TEX35: variants seen among roughly 807,000 people sequenced by gnomAD.
TEX35 encodes testis-expressed protein 35.
TEX35 carries 26 observed loss-of-function variants against 31.9 expected under a neutral mutation model. The observed-to-expected ratio is 0.81, with a 90% confidence interval of 0.60 to 1.13. The LOEUF (loss-of-function observed/expected upper bound fraction) is 1.13. Ranked by LOEUF, TEX35 falls within the 50% of genes most tolerant of loss-of-function variation. TEX35 has a pLI of 0.00. For synonymous variants in TEX35, 87 were observed against 90.7 expected (o/e 0.96, Z 0.23); for missense variants, 278 against 273.5 (o/e 1.02, Z -0.12).
downstream of TEX35, chr1:178,523,255 G>A (rs2101899644): frequency 1.4e-6 from 1 of 699,002 alleles, no homozygotes; most frequent in East Asian, 2.7e-5. Flanking sequence ...TGCAACAAAT[G>A]TGAGAGTGCA....
At chr1:178,515,058 T>C (rs1335438805) in intron 3 of TEX35, among the ~76,000 whole-genome samples, 8 of 152,236 alleles carry the variant, frequency 5.3e-5, no homozygotes, top group Admixed American at 1.3e-4. Flanking sequence ...GTCTTTTCTA[T>C]AATCTGGAAC....
Position 178,516,507 on chromosome 1 carries a change from G to A in TEX35, c.217-108G>A, listed in dbSNP as rs1650081846. On this transcript the variant is annotated intron_variant, in intron 4 of 8. Coordinates refer to ENST00000319416, the MANE Select transcript of TEX35 (RefSeq NM_032126.5). ...CTCTAACAGGCCATTATTAGTCCAT[G>A]CCAGAGAAGCAGCCACTGCCCTTTG... The A allele has an allele frequency of 5.5e-6, 5 of 906,486 alleles. No homozygotes were observed. In the African/African-American group the frequency reaches 6.6e-5, roughly 12 times the overall value. 56.2% of individuals were successfully genotyped at this position (906,486 alleles called of 1,614,324 possible).
intron 4 of TEX35, 65 bp from the exon 5 acceptor site, chr1:178,516,550 A>G (rs1338507854): frequency 2.8e-6 from 4 of 1,430,432 alleles, no homozygotes; most frequent in Non-Finnish European, 3.9e-6. Context: ...TGCCTGAAAG[A>G]TGCCACAACT....
At chr1:178,517,146 A>C (rs778367685) in intron 5 of TEX35, among the ~76,000 whole-genome samples, 4 of 152,342 alleles carry the variant, frequency 2.6e-5, no homozygotes, top group East Asian at 3.9e-4. Context: ...AAGACTGAGA[A>C]GCATAAGCTG....
At position 178,520,421 on chromosome 1, in the gene TEX35, A is replaced by G. The variant is rs777856044; in HGVS notation, c.326A>G (p.Gln109Arg). ...AAGATGGACATTTTAATAAATACAC[A>G]GAAGAACTATAAGCTGTAAGTGTAA... ...DEKMDILINT[Q>R]KNYKLPLRRA... The change falls in exon 6 of 9, where the codon CAG becomes CGG. Residue 109 changes from glutamine (Q) to arginine (R), a missense_variant. Coordinates refer to ENST00000319416, the MANE Select transcript of TEX35 (RefSeq NM_032126.5). The G allele has an allele frequency of 6.2e-7, 1 of 1,614,156 alleles. No individual in the cohort carries two copies. The highest frequency in any genetic ancestry group is 2.2e-5 in the East Asian group (1 of 44,878).
Position 178,513,942 on chromosome 1 carries a change from G to C in TEX35, c.40-85G>C, listed in dbSNP as rs1020188882. On this transcript the variant is annotated intron_variant, in intron 1 of 8. Coordinates refer to ENST00000319416, the MANE Select transcript of TEX35 (RefSeq NM_032126.5). The stretch of plus-strand genomic sequence containing the variant: ...GGTTGCATGGTTGTGGGGGGCAGGG[G>C]GCAGGGTTCCCGTGCAAGGGCCAGA... 6.6e-6 allele frequency: 10 copies of C among 1,514,876 alleles called. No homozygotes were observed. The Admixed American group carries it at 1.8e-4, about 27-fold the overall frequency. The allele number at this position is 1,514,876 out of a possible 1,614,324, so 93.8% of individuals were successfully genotyped here.
Position 178,520,409 on chromosome 1 carries a change from T to A in TEX35, c.314T>A (p.Leu105Ter). The A allele has an allele frequency of 6.2e-7, 1 of 1,614,108 alleles. No individual in the cohort carries two copies. Among genetic ancestry groups the A allele is most frequent in the South Asian group, 1.1e-5 (1 of 91,042 alleles). Residue 105 changes from leucine to a stop codon, truncating the protein, a stop_gained, in exon 6 of 9, where the codon TTA becomes TAA. Coordinates refer to ENST00000319416, the MANE Select transcript of TEX35 (RefSeq NM_032126.5). LOFTEE classifies it high-confidence loss of function. ...GATATGGATGAGAAGATGGACATTTTAATAAATACACAGAAGAACTATAAG... is the reference window on the plus strand; with the variant it reads ...GATATGGATGAGAAGATGGACATTTAAATAAATACACAGAAGAACTATAAG... ...QKDMDEKMDILINTQKNYKLP... is the reference protein window; with the variant it reads ...QKDMDEKMDI
chr1:178,520,465 C>T, intron 6 of TEX35, 29 bp downstream of exon 6: 1 of 1,614,142 alleles, frequency 6.2e-7, no homozygotes, highest in Non-Finnish European at 8.5e-7. Flanking sequence ...CGTCTCTCCT[C>T]ATCCCTAAAG....
At chr1:178,522,042 A>T (rs1269032023) in intron 8 of TEX35, 4 of 651,796 alleles carry the variant, frequency 6.1e-6, no homozygotes, top group Non-Finnish European at 1.0e-5. Context: ...CCCTGATGAT[A>T]GCGGACGCCA....
chr1:178,517,973 A>C (rs1253567346), intron 5 of TEX35, among the ~76,000 whole-genome samples: 1 of 152,204 alleles, frequency 6.6e-6, no homozygotes, highest in East Asian at 1.9e-4. Context: ...CATTTACAGA[A>C]TTAAAGAAAC....
At chr1:178,514,272 A>G in intron 2 of TEX35, 195 bp downstream of exon 2, 1 of 1,498,584 alleles carries the variant, frequency 6.7e-7, no homozygotes, top group Non-Finnish European at 8.9e-7. Flanking sequence ...GGACTCATTC[A>G]GCAGTGTTAC....
At chr1:178,521,494 G>A (rs1219197843) in intron 8 of TEX35, 1 of 1,078,056 alleles carries the variant, frequency 9.3e-7, no homozygotes, top group Admixed American at 2.0e-5. Flanking sequence ...CCCATGGTGG[G>A]GAGGGTGCAC....
At chr1:178,516,053 G>A (rs1650064832) in intron 4 of TEX35, 138 bp downstream of exon 4, 2 of 714,394 alleles carry the variant, frequency 2.8e-6, no homozygotes, top group South Asian at 3.6e-5. Context: ...GAGCACTTCA[G>A]TATTAGGTTA....
chr1:178,513,501 C>A (rs983049570), intron 1 of TEX35, among the ~76,000 whole-genome samples: 1 of 152,278 alleles, frequency 6.6e-6, no homozygotes, highest in African/African-American at 2.4e-5. Context: ...CATGGTTCCA[C>A]GGCCCATGCC....
rs762093782 is a variant in TEX35 at position 178,522,467 on chromosome 1, G to C, written c.*27G>C. On this transcript the variant is annotated 3_prime_UTR_variant, in exon 9 of 9. Transcript: ENST00000319416. The stretch of plus-strand genomic sequence containing the variant: ...GCTTAACTGCCAGCTTGAAATGAGA[G>C]TAAAGAAGATACAGAGCAAACAGTG... 1.9e-5 allele frequency: 30 copies of C among 1,563,448 alleles called. No homozygotes were observed. Among genetic ancestry groups the C allele is most frequent in the Non-Finnish European group, 5.2e-6 (6 of 1,152,022 alleles).
At chr1:178,522,233 T>C in intron 8 of TEX35, 92 bp from the exon 9 acceptor site, 1 of 1,461,682 alleles carries the variant, frequency 6.8e-7, no homozygotes, top group East Asian at 2.5e-5. Flanking sequence ...AGGTCCCTGC[T>C]GCTCATAGGA....
chr1:178,514,239 C>G, intron 2 of TEX35, 162 bp downstream of exon 2: 1 of 1,536,288 alleles, frequency 6.5e-7, no homozygotes. Context: ...ACACTGTAAC[C>G]AATCAGATAC....
rs537883183 is a variant in TEX35 at position 178,520,874 on chromosome 1, C to T, written c.543C>T (p.Cys181=). 4.3e-6 allele frequency: 7 copies of T among 1,614,094 alleles called. No individual in the cohort carries two copies. Among genetic ancestry groups the T allele is most frequent in the African/African-American group, 2.7e-5 (2 of 75,056 alleles). ...LDPLHHCGTC[C]EKCLLCALKN... ...CCCTTCATCACTGTGGGACCTGCTG[C>T]GTAAGTGAAACCCTGCCCGAGCCCA... is the stretch of plus-strand genomic sequence containing the variant. Residue 181 remains cysteine (C), a splice_region_variant and synonymous_variant, in exon 7 of 9, where the codon TGC becomes TGT. Transcript: ENST00000319416.
chr1:178,514,525 A>G (rs2101893394), intron 2 of TEX35, among the ~76,000 whole-genome samples, 175 bp from the exon 3 acceptor site: 1 of 152,274 alleles, frequency 6.6e-6, no homozygotes, highest in East Asian at 1.9e-4. Flanking sequence ...GTGGAACAAG[A>G]TGAGCTGAAA....
Sources: allele counts gnomAD v4.1 joint callset (sites outside exome capture counted in the v4.1 genomes callset), GRCh38; gene constraint gnomAD v4.1.1; transcripts MANE v1.5; gene names NCBI Gene and HGNC (gene_info 2026-07-23, HGNC 2026-07-21).